ZMAT5: variants seen among roughly 807,000 people sequenced by gnomAD.
ZMAT5 encodes zinc finger matrin-type 5.
ZMAT5 carries 23 observed loss-of-function variants against 28.0 expected under a neutral mutation model. That is an observed-to-expected ratio of 0.82 (90% CI 0.59 to 1.16). The LOEUF (loss-of-function observed/expected upper bound fraction) is 1.16, where lower values mean the gene tolerates loss of function less well. Among genes scored for constraint, ZMAT5 ranks in the 50% most tolerant of loss-of-function variants. ZMAT5 has a pLI of 0.00. For synonymous variants in ZMAT5, 76 were observed against 84.1 expected (o/e 0.90, Z 0.52); for missense variants, 173 against 212.7 (o/e 0.81, Z 1.16).
chr22:29,765,366 C>T (rs2068197468), intron 1 of ZMAT5, among the ~76,000 whole-genome samples: 1 of 151,928 alleles, frequency 6.6e-6, no homozygotes, highest in Admixed American at 6.6e-5. Context: ...TTGCAGTGAG[C>T]CAAGATTGTG....
intron 2 of ZMAT5, chr22:29,747,861 A>G (rs79366718): frequency 0.045 from 7,794 of 172,018 alleles, 221 homozygotes; most frequent in Middle Eastern, 0.099. Flanking sequence ...ACCGCACCCA[A>G]CTGCTCCCCA....
At chr22:29,766,603 C>A (rs950542931) in intron 1 of ZMAT5, among the ~76,000 whole-genome samples, 1 of 152,254 alleles carries the variant, frequency 6.6e-6, no homozygotes, top group African/African-American at 2.4e-5. Flanking sequence ...AAGTCTCCAG[C>A]CTTCCAAACC....
intron 1 of ZMAT5, among the ~76,000 whole-genome samples, chr22:29,752,594 C>T (rs888777541): frequency 6.6e-6 from 1 of 152,236 alleles, no homozygotes; most frequent in African/African-American, 2.4e-5. Flanking sequence ...AGCCACTTGC[C>T]CTCTCTGGGC....
At chr22:29,756,195 A>ACCTC (rs2068099877) in intron 1 of ZMAT5, among the ~76,000 whole-genome samples, 1 of 152,172 alleles carries the variant, frequency 6.6e-6, no homozygotes, top group African/African-American at 2.4e-5. Context: ...CCCCAGGTAA[A>ACCTC]CAGTAAACCA....
intron 5 of ZMAT5, among the ~76,000 whole-genome samples, chr22:29,733,985 GA>G (rs1601713523): frequency 1.3e-5 from 2 of 152,352 alleles, no homozygotes; most frequent in African/African-American, 4.8e-5. Flanking sequence ...TCCTGTGCGT[GA>G]GGACAGGAGC....
At chr22:29,754,687 A>G (rs948118412) in intron 1 of ZMAT5, among the ~76,000 whole-genome samples, 2 of 152,080 alleles carry the variant, frequency 1.3e-5, no homozygotes, top group East Asian at 1.9e-4. Context: ...CCTGGACAAC[A>G]TGGGCAGACC....
chr22:29,733,477 C>T (rs1189684309), intron 5 of ZMAT5, among the ~76,000 whole-genome samples: 1 of 152,228 alleles, frequency 6.6e-6, no homozygotes, highest in Non-Finnish European at 1.5e-5. Flanking sequence ...CTCCAGGACC[C>T]CCAGGTGTGA....
chr22:29,740,545 G>A (rs2067951412), intron 4 of ZMAT5, 105 bp downstream of exon 4: 1 of 1,241,944 alleles, frequency 8.1e-7, no homozygotes. Flanking sequence ...GCCCTTGGTT[G>A]CCAATGATGG....
At chr22:29,763,292 C>CAATCAATAAATAAATAAATA (rs1556023385) in intron 1 of ZMAT5, among the ~76,000 whole-genome samples, 9 of 140,568 alleles carry the variant, frequency 6.4e-5, no homozygotes, top group African/African-American at 2.4e-4. Flanking sequence ...GACTCTGCCT[C>CAATCAATAAATAAATAAATA]AATAAATAAA....
At chr22:29,753,557 C>T (rs140127) in intron 1 of ZMAT5, among the ~76,000 whole-genome samples, 80,365 of 151,340 alleles carry the variant, frequency 0.53, 21,662 homozygotes, top group East Asian at 0.62. Flanking sequence ...GGTGTGGTGG[C>T]GCATGCCTGT....
intron 1 of ZMAT5, among the ~76,000 whole-genome samples, chr22:29,763,332 G>T (rs529200636): frequency 1.9e-4 from 18 of 96,036 alleles, no homozygotes; most frequent in Non-Finnish European, 3.3e-4. Flanking sequence ...GGCCAGGTGC[G>T]GTGGCTCACA....
At chr22:29,744,456 G>A (rs973942785) in intron 2 of ZMAT5, among the ~76,000 whole-genome samples, 1 of 151,982 alleles carries the variant, frequency 6.6e-6, no homozygotes, top group Non-Finnish European at 1.5e-5. Context: ...CAGCAGGGTG[G>A]GGAGGGTCTA....
At chr22:29,754,419 G>A (rs1465702918) in intron 1 of ZMAT5, among the ~76,000 whole-genome samples, 1 of 152,212 alleles carries the variant, frequency 6.6e-6, no homozygotes. Context: ...CAAGGCTAGT[G>A]GGACAACCTC....
intron 1 of ZMAT5, among the ~76,000 whole-genome samples, chr22:29,765,491 C>T (rs577971895): frequency 1.2e-3 from 178 of 152,234 alleles, no homozygotes; most frequent in African/African-American, 4.3e-3. Context: ...ACCCTACACA[C>T]ATCTGCTAGC....
intron 1 of ZMAT5, 117 bp from the exon 2 acceptor site, chr22:29,748,688 C>A: frequency 1.5e-6 from 2 of 1,321,072 alleles, no homozygotes; most frequent in East Asian, 2.5e-5. Flanking sequence ...ATGCACCCCG[C>A]CCCATTAGGA....
chr22:29,764,240 C>T (rs967075869), intron 1 of ZMAT5, among the ~76,000 whole-genome samples: 9 of 152,214 alleles, frequency 5.9e-5, no homozygotes, highest in African/African-American at 2.2e-4. Flanking sequence ...TTCCCATCAG[C>T]CAGATTGGTT....
chr22:29,763,230 T>G (rs1243762858), intron 1 of ZMAT5, among the ~76,000 whole-genome samples: 1 of 150,930 alleles, frequency 6.6e-6, no homozygotes, highest in Non-Finnish European at 1.5e-5. Context: ...GAGGCAGAGG[T>G]TGCAGTGAGC....
At chr22:29,744,249 T>C (rs955503455) in intron 2 of ZMAT5, among the ~76,000 whole-genome samples, 1 of 152,044 alleles carries the variant, frequency 6.6e-6, no homozygotes, top group East Asian at 1.9e-4. Flanking sequence ...CAGCAAATGG[T>C]AGCAATTCTT....
At chr22:29,743,039 C>A (rs1320788725) in intron 2 of ZMAT5, among the ~76,000 whole-genome samples, 1 of 152,076 alleles carries the variant, frequency 6.6e-6, no homozygotes, top group Non-Finnish European at 1.5e-5. Context: ...CACGATCCTC[C>A]CATTTTGGCC....
Sources: gnomAD v4.1 joint callset for allele counts (sites outside exome capture counted in the v4.1 genomes callset) on GRCh38, gnomAD v4.1.1 for gene constraint, MANE v1.5 for transcripts, NCBI Gene and HGNC (gene_info 2026-07-23, HGNC 2026-07-21) for gene names.